The following UGT2B7 variants were observed in gnomAD, a reference collection of about 807,000 sequenced individuals.
UGT2B7 encodes UDP glucuronosyltransferase family 2 member B7, also known as UDP-glucuronosyltransferase 2B7.
UGT2B7 carries 51 observed loss-of-function variants against 51.9 expected under a neutral mutation model. The observed-to-expected ratio is 0.98, with a 90% CI of 0.78 to 1.24. The LOEUF (loss-of-function observed/expected upper bound fraction) is 1.24, where lower values mean the gene tolerates loss of function less well. UGT2B7 is among the 50% of genes most tolerant of loss of function. The pLI is 0.00. For missense variants in UGT2B7, 727 were observed against 628.4 expected (o/e 1.16, Z -1.68); for synonymous variants, 225 against 211.6 (o/e 1.06, Z -0.55).
chr4:69,052,365 C>T (rs7349625), intron 1 of UGT2B7, among the ~76,000 whole-genome samples: 2 of 151,906 alleles, frequency 1.3e-5, no homozygotes, highest in African/African-American at 4.8e-5. Flanking sequence ...TATACCAATT[C>T]TAAGTTAATT....
intron 1 of UGT2B7, chr4:69,089,377 T>A (rs1359117108): frequency 6.6e-6 from 1 of 152,192 alleles, no homozygotes; most frequent in Non-Finnish European, 1.5e-5. Flanking sequence ...ACTATACATA[T>A]CACAACTTCT....
chr4:69,111,016 C>A (rs1719756181), intron 5 of UGT2B7, among the ~76,000 whole-genome samples: 1 of 151,918 alleles, frequency 6.6e-6, no homozygotes. Context: ...CCAGTAAAAG[C>A]CTCTCTTAGA....
At chr4:69,052,389 G>A (rs766858281) in intron 1 of UGT2B7, among the ~76,000 whole-genome samples, 3 of 151,954 alleles carry the variant, frequency 2.0e-5, no homozygotes, top group Non-Finnish European at 4.4e-5. Context: ...ACTAAACAAG[G>A]TCTTATTAAT....
chr4:69,086,102 T>C (rs1395987328), intron 1 of UGT2B7, among the ~76,000 whole-genome samples: 1 of 151,846 alleles, frequency 6.6e-6, no homozygotes, highest in Non-Finnish European at 1.5e-5. Flanking sequence ...TTATTTAAGA[T>C]ATTTCTGCAT....
At chr4:69,060,161 C>T (rs753415101) in intron 1 of UGT2B7, among the ~76,000 whole-genome samples, 7 of 152,196 alleles carry the variant, frequency 4.6e-5, no homozygotes, top group Non-Finnish European at 7.3e-5. Flanking sequence ...AGGACTGCTT[C>T]GAGGGGACCC....
chr4:69,108,732 G>A (rs1221540328), intron 5 of UGT2B7, among the ~76,000 whole-genome samples: 1 of 151,820 alleles, frequency 6.6e-6, no homozygotes, highest in Non-Finnish European at 1.5e-5. Flanking sequence ...TATCATTATT[G>A]TAACAGACTT....
intron 1 of UGT2B7, among the ~76,000 whole-genome samples, chr4:69,086,913 C>T (rs528223313): frequency 6.6e-6 from 1 of 151,862 alleles, no homozygotes; most frequent in South Asian, 2.1e-4. Context: ...ATTATTTATC[C>T]ATTCAGTCAC....
chr4:69,074,871 T>C (rs1423313360), intron 1 of UGT2B7, among the ~76,000 whole-genome samples: 2 of 152,172 alleles, frequency 1.3e-5, no homozygotes, highest in African/African-American at 4.8e-5. Context: ...AGGCTGTATA[T>C]GTCTTTTGAC....
chr4:69,067,567 C>T (rs562268759), intron 1 of UGT2B7: 22 of 154,374 alleles, frequency 1.4e-4, no homozygotes, highest in Admixed American at 1.2e-3. Context: ...GACTCAAAAA[C>T]AACATAAATT....
rs368853050 is a variant in UGT2B7 at position 69,097,039 on chromosome 4, C to T, written c.519C>T (p.Ser173=). Residue 173 remains serine, a synonymous_variant, in exon 1 of 6, where the codon AGC becomes AGT. Transcript: ENST00000305231. The stretch of plus-strand genomic sequence containing the variant: ...ACATACCCTTTGTGTACAGTCTCAG[C>T]TTCTCTCCTGGCTACACTTTTGAAA... ...LFNIPFVYSL[S]FSPGYTFEKH... The T allele has an allele frequency of 8.1e-6, 13 of 1,613,838 alleles. No individual in the cohort carries two copies. The African/African-American group carries it at 1.6e-4, about 20-fold the overall frequency.
chr4:69,102,907 T>C lies in UGT2B7; in HGVS notation c.971T>C (p.Ile324Thr), dbSNP rs745439209. The stretch of plus-strand genomic sequence containing the variant: ...ATGACAGAAGAAAGGGCCAACGTAA[T>C]TGCATCAGCCCTGGCCCAGATCCCA... Reference protein sequence around the residue: ...SNMTEERANVIASALAQIPQK... With the variant: ...SNMTEERANVTASALAQIPQK... The change falls in exon 3 of 6, where the codon ATT becomes ACT. Residue 324 changes from isoleucine to threonine, a missense_variant. Ile to Thr is a moderately conservative substitution (Grantham distance 89). Transcript: ENST00000305231. 3.7e-6 allele frequency: 6 copies of C among 1,613,478 alleles called. No individual in the cohort carries two copies. In the South Asian group the frequency reaches 6.6e-5, roughly 18 times the overall value.
chr4:69,068,997 C>G (rs1426097721), intron 1 of UGT2B7, among the ~76,000 whole-genome samples: 4 of 151,302 alleles, frequency 2.6e-5, no homozygotes, highest in Non-Finnish European at 5.9e-5. Context: ...ATAATTCTAC[C>G]AAGTATTCTA....
At chr4:69,076,520 G>T (rs868668551) in intron 1 of UGT2B7, among the ~76,000 whole-genome samples, 2 of 152,084 alleles carry the variant, frequency 1.3e-5, no homozygotes, top group Non-Finnish European at 2.9e-5. Context: ...AATTTGCATT[G>T]CTCTAATGAT....
intron 5 of UGT2B7, among the ~76,000 whole-genome samples, chr4:69,111,910 T>A (rs1719784897): frequency 6.6e-6 from 1 of 152,240 alleles, no homozygotes; most frequent in Non-Finnish European, 1.5e-5. Flanking sequence ...TTTGAATTAT[T>A]TGGCCCTTTA....
At chr4:69,083,264 C>T (rs779700179) in intron 1 of UGT2B7, among the ~76,000 whole-genome samples, 3 of 151,982 alleles carry the variant, frequency 2.0e-5, no homozygotes, top group Non-Finnish European at 4.4e-5. Context: ...ATTCTGCAGC[C>T]CACTAATAAA....
rs556097466 is a variant in UGT2B7 at position 69,063,429 on chromosome 4, A to T, written c.-159+11827A>T. Among the ~76,000 whole-genome samples the T allele has an allele frequency of 2.6e-5, 4 of 152,216 alleles. No homozygotes were observed. The East Asian group carries it at 7.7e-4, about 29-fold the overall frequency. ...CAGGGGGTACTGTACCCCTATTTAC[A>T]TGCTTAATCACATCATAAGGTTGCA... On this transcript the variant is annotated intron_variant, in intron 1 of 5. Coordinates refer to the UGT2B7 transcript ENST00000502942.
At chr4:69,105,251 C>G (rs1419663089) in intron 3 of UGT2B7, among the ~76,000 whole-genome samples, 2 of 143,758 alleles carry the variant, frequency 1.4e-5, no homozygotes, top group African/African-American at 5.2e-5. Flanking sequence ...CAGATACCCC[C>G]TCTATAAAAT....
At chr4:69,101,908 G>C (rs1719429615) in intron 2 of UGT2B7, among the ~76,000 whole-genome samples, 1 of 152,134 alleles carries the variant, frequency 6.6e-6, no homozygotes, top group Non-Finnish European at 1.5e-5. Context: ...AGAAAGGCCT[G>C]GTGGCCTCTT....
intron 1 of UGT2B7, among the ~76,000 whole-genome samples, chr4:69,061,027 G>A (rs1315778568): frequency 1.3e-5 from 2 of 152,146 alleles, no homozygotes; most frequent in African/African-American, 2.4e-5. Flanking sequence ...ATATTTTACT[G>A]ATGGGAGCAG....
Sources: allele counts gnomAD v4.1 joint callset (sites outside exome capture counted in the v4.1 genomes callset), GRCh38; gene constraint gnomAD v4.1.1; transcripts MANE v1.5; gene names NCBI Gene and HGNC (gene_info 2026-07-23, HGNC 2026-07-21).